Variants in FHIT observed in about 807,000 individuals in gnomAD.
The protein encoded by FHIT is bis(5'-adenosyl)-triphosphatase.
FHIT carries 19 observed loss-of-function variants against 17.9 expected under a neutral mutation model. That is an observed-to-expected ratio of 1.06 (90% CI 0.74 to 1.56). FHIT has a LOEUF of 1.56. FHIT is among the 40% of genes most tolerant of loss of function. FHIT has a pLI of 0.00. For synonymous variants in FHIT, 81 were observed against 69.7 expected, an observed-to-expected ratio of 1.16 and a Z score of -0.81; for missense variants, 248 against 189.2, an observed-to-expected ratio of 1.31 and a Z score of -1.82.
intron 3 of FHIT, among the ~76,000 whole-genome samples, chr3:60,954,382 G>A (rs782129758): frequency 4.6e-5 from 7 of 152,114 alleles, no homozygotes; most frequent in Non-Finnish European, 8.8e-5. Flanking sequence ...CATAAATGAC[G>A]AACAAGGAAA....
At chr3:60,456,795 C>G (rs1443570047) in intron 5 of FHIT, among the ~76,000 whole-genome samples, 1 of 152,046 alleles carries the variant, frequency 6.6e-6, no homozygotes, top group Non-Finnish European at 1.5e-5. Flanking sequence ...TTTAATACAT[C>G]AAGACTATAT....
chr3:60,108,031 C>T (rs1268619405), intron 5 of FHIT, among the ~76,000 whole-genome samples: 2 of 152,160 alleles, frequency 1.3e-5, no homozygotes, highest in African/African-American at 4.8e-5. Context: ...AACTTTTCTT[C>T]AAGGTTTCAT....
intron 5 of FHIT, among the ~76,000 whole-genome samples, chr3:60,244,340 T>C (rs1325291204): frequency 6.6e-6 from 1 of 152,008 alleles, no homozygotes. Flanking sequence ...GAGAGAAGGA[T>C]AAAAGGTCAC....
intron 4 of FHIT, among the ~76,000 whole-genome samples, chr3:60,649,064 G>C (rs1553687556): frequency 6.6e-6 from 1 of 152,134 alleles, no homozygotes; most frequent in African/African-American, 2.4e-5. Flanking sequence ...AATTCTCCTT[G>C]AGAAATGGTT....
intron 4 of FHIT, among the ~76,000 whole-genome samples, chr3:60,729,169 T>G (rs1462569864): frequency 2.6e-5 from 4 of 152,234 alleles, no homozygotes; most frequent in Non-Finnish European, 5.9e-5. Context: ...TGTATATCAC[T>G]GCAATGAAGT....
At chr3:60,028,027 A>G (rs1164631298) in intron 5 of FHIT, among the ~76,000 whole-genome samples, 1 of 152,114 alleles carries the variant, frequency 6.6e-6, no homozygotes, top group African/African-American at 2.4e-5. Context: ...GTAGCTAGTA[A>G]TCACTTGTAG....
chr3:60,114,169 A>T (rs1238161099), intron 5 of FHIT, among the ~76,000 whole-genome samples: 1 of 149,152 alleles, frequency 6.7e-6, no homozygotes, highest in East Asian at 2.0e-4. Flanking sequence ...TACTTACTTA[A>T]TCCTCATAAT....
intron 5 of FHIT, among the ~76,000 whole-genome samples, chr3:60,230,238 A>G (rs1258662811): frequency 2.6e-5 from 4 of 152,174 alleles, no homozygotes; most frequent in African/African-American, 9.7e-5. Flanking sequence ...ATGTCTTTCA[A>G]TGCAGAAAGT....
intron 4 of FHIT, among the ~76,000 whole-genome samples, chr3:60,685,765 C>T (rs546249085): frequency 6.6e-6 from 1 of 152,198 alleles, no homozygotes; most frequent in South Asian, 2.1e-4. Flanking sequence ...TTACAAACTC[C>T]CTCTAAATTC....
intron 5 of FHIT, among the ~76,000 whole-genome samples, chr3:60,355,722 A>AT (rs201474453): frequency 6.6e-5 from 10 of 151,976 alleles, no homozygotes; most frequent in African/African-American, 1.7e-4. Flanking sequence ...TTTGTCACAA[A>AT]TTTTTTTTTA....
At chr3:60,137,843 T>A (rs1476756319) in intron 5 of FHIT, among the ~76,000 whole-genome samples, 1 of 151,410 alleles carries the variant, frequency 6.6e-6, no homozygotes, top group Non-Finnish European at 1.5e-5. Context: ...TAAATGAATA[T>A]TTAAGCAACA....
intron 5 of FHIT, among the ~76,000 whole-genome samples, chr3:60,057,616 C>T (rs540719796): frequency 1.3e-5 from 2 of 151,804 alleles, no homozygotes; most frequent in Non-Finnish European, 2.9e-5. Flanking sequence ...AGAAATTGAC[C>T]TTTGTGGTCT....
chr3:60,644,773 A>G (rs2039814774), intron 4 of FHIT, among the ~76,000 whole-genome samples: 5 of 152,294 alleles, frequency 3.3e-5, no homozygotes, highest in Admixed American at 3.3e-4. Context: ...TTGCTTTTGT[A>G]TGGAATCTTT....
intron 5 of FHIT, among the ~76,000 whole-genome samples, chr3:60,174,305 C>T (rs991633212): frequency 2.6e-5 from 4 of 152,014 alleles, no homozygotes; most frequent in African/African-American, 9.7e-5. Flanking sequence ...GTAAGGGACC[C>T]ACCCAAGCCC....
Position 60,626,783 on chromosome 3 carries a change from C to CTTTTT in FHIT, c.-17-89805_-17-89804insAAAAA, listed in dbSNP as rs71627548. 2.1e-4 allele frequency among the ~76,000 whole-genome samples: 18 copies of CTTTTT among 85,948 alleles called. No individual in the cohort carries two copies. The East Asian group carries it at 2.4e-3, about 11-fold the overall frequency. 56.4% of individuals were successfully genotyped at this position (85,948 alleles called of 152,430 possible). ...TTCTTCCTTATCTTAGGGGAAAACA[C>CTTTTT]TCTTTTTTTTTTTTTTTTTTACGTT... On this transcript the variant is annotated intron_variant, in intron 4 of 9. Coordinates refer to ENST00000492590, the MANE Select transcript of FHIT (RefSeq NM_002012.4).
chr3:59,876,655 G>A (rs73100605), intron 8 of FHIT, among the ~76,000 whole-genome samples: 3,391 of 152,286 alleles, frequency 0.022, 48 homozygotes, highest in South Asian at 0.062. Flanking sequence ...GACTAGTAGA[G>A]AACACCTCCT....
At chr3:60,992,077 T>A (rs754213060) in intron 3 of FHIT, among the ~76,000 whole-genome samples, 5 of 152,226 alleles carry the variant, frequency 3.3e-5, no homozygotes, top group Non-Finnish European at 7.3e-5. Flanking sequence ...CTTGATATCA[T>A]GGATGCAACT....
intron 5 of FHIT, among the ~76,000 whole-genome samples, chr3:60,411,901 A>T (rs1384051773): frequency 6.6e-6 from 1 of 152,166 alleles, no homozygotes; most frequent in Non-Finnish European, 1.5e-5. Context: ...AAACTGCTGG[A>T]TGACTTCTTA....
At chr3:60,241,314 T>C (rs1559754676) in intron 5 of FHIT, among the ~76,000 whole-genome samples, 2 of 152,088 alleles carry the variant, frequency 1.3e-5, no homozygotes, top group Admixed American at 6.6e-5. Context: ...TCAAATAAGA[T>C]TGGATGTACA....
Sources: allele counts gnomAD v4.1 joint callset (sites outside exome capture counted in the v4.1 genomes callset), GRCh38; gene constraint gnomAD v4.1.1; transcripts MANE v1.5; gene names NCBI Gene and HGNC (gene_info 2026-07-23, HGNC 2026-07-21).